The following FSTL4 variants were observed in gnomAD, a reference collection of about 807,000 sequenced individuals.
The protein encoded by FSTL4 is follistatin-related protein 4.
In FSTL4, 28 loss-of-function variants were observed where a neutral mutation model predicts 78.2. That is an observed-to-expected ratio of 0.36 (90% CI 0.27 to 0.49). FSTL4 has a LOEUF of 0.49. FSTL4 is among the 20% of genes least tolerant of loss of function. The pLI is 0.98. For synonymous variants in FSTL4, 422 were observed against 440.5 expected (o/e 0.96, Z 0.53); for missense variants, 922 against 1,084.9 (o/e 0.85, Z 2.11).
Position 133,611,886 on chromosome 5 carries a change from C to T in FSTL4, c.-11+439G>A, listed in dbSNP as rs964176867. ...CGGAGCCAAGGGCACCGGGCCCGGGCCGAGGGGCCGCGCTCGCCTGGCTCC... is the reference window on the plus strand; with the variant it reads ...CGGAGCCAAGGGCACCGGGCCCGGGTCGAGGGGCCGCGCTCGCCTGGCTCC... On this transcript the variant is annotated intron_variant, in intron 1 of 15. Coordinates refer to ENST00000265342, the MANE Select transcript of FSTL4 (RefSeq NM_015082.2). This position sits in a 1 kb window ranked among gnomAD's most constrained non-coding sequence, Gnocchi z 4.9. 1.3e-5 allele frequency among the ~76,000 whole-genome samples: 2 copies of T among 152,140 alleles called. No individual in the cohort carries two copies. Among genetic ancestry groups the T allele is most frequent in the African/African-American group, 4.8e-5 (2 of 41,446 alleles).
intron 3 of FSTL4, among the ~76,000 whole-genome samples, chr5:133,547,066 T>G (rs1490741023): frequency 6.6e-6 from 1 of 152,168 alleles, no homozygotes; most frequent in Non-Finnish European, 1.5e-5. Context: ...GGAATCACCA[T>G]AAAGACTTCA....
intron 3 of FSTL4, among the ~76,000 whole-genome samples, chr5:133,553,043 G>A (rs1427540949): frequency 6.6e-6 from 1 of 152,182 alleles, no homozygotes; most frequent in African/African-American, 2.4e-5. Flanking sequence ...TGCTCCAACT[G>A]CAGCGGCTAC....
intron 4 of FSTL4, among the ~76,000 whole-genome samples, chr5:133,374,663 A>G (rs1469418685): frequency 6.6e-6 from 1 of 152,150 alleles, no homozygotes; most frequent in Non-Finnish European, 1.5e-5. Context: ...ATTAGTTCAC[A>G]AGGATGGAGT....
chr5:133,598,999 G>T (rs1015542471), intron 2 of FSTL4, among the ~76,000 whole-genome samples: 2 of 152,116 alleles, frequency 1.3e-5, no homozygotes, highest in South Asian at 4.2e-4. Context: ...AAACACCAAC[G>T]GGCAGATCTC....
At chr5:133,445,629 A>G (rs1325309198) in intron 3 of FSTL4, among the ~76,000 whole-genome samples, 1 of 152,168 alleles carries the variant, frequency 6.6e-6, no homozygotes, top group African/African-American at 2.4e-5. Flanking sequence ...AGTCTCTAAG[A>G]TACCAAGCTG....
At chr5:133,778,341 T>TAA in the FSTL4 span, among the ~76,000 whole-genome samples, 673 of 148,840 alleles carry the variant, frequency 4.5e-3, 9 homozygotes, top group African/African-American at 0.016. Context: ...GTGTTTCCTC[T>TAA]AAAAAAAAAA....
the FSTL4 span, among the ~76,000 whole-genome samples, chr5:133,743,720 C>T: frequency 6.6e-6 from 1 of 152,234 alleles, no homozygotes; most frequent in South Asian, 2.1e-4. Context: ...GCAGGCAAAG[C>T]TATGGGTAAA....
At chr5:133,641,782 T>G in the FSTL4 span, among the ~76,000 whole-genome samples, 2 of 152,202 alleles carry the variant, frequency 1.3e-5, no homozygotes, top group African/African-American at 2.4e-5. Context: ...CTTGTACTTG[T>G]AGAAGACTAT....
the FSTL4 span, among the ~76,000 whole-genome samples, chr5:133,629,448 A>G: frequency 6.6e-6 from 1 of 152,232 alleles, no homozygotes; most frequent in Non-Finnish European, 1.5e-5. Context: ...TAAACCAGGA[A>G]GAAGTTGAAT....
chr5:133,627,374 C>T, the FSTL4 span, among the ~76,000 whole-genome samples: 2 of 152,146 alleles, frequency 1.3e-5, no homozygotes, highest in Admixed American at 1.3e-4. Context: ...AGGGGTTTCC[C>T]CTTATAAAAC....
intron 3 of FSTL4, among the ~76,000 whole-genome samples, chr5:133,422,058 G>A (rs569053352): frequency 3.3e-4 from 50 of 152,288 alleles, no homozygotes; most frequent in African/African-American, 1.2e-3. Flanking sequence ...GAGGATCAGA[G>A]TCCAGACCGA....
the FSTL4 span, among the ~76,000 whole-genome samples, chr5:133,649,099 A>G: frequency 0.22 from 33,226 of 152,088 alleles, 3,858 homozygotes; most frequent in Admixed American, 0.29. Flanking sequence ...CCAGAATGTC[A>G]TATGGTTGGA....
chr5:133,817,387 A>C, the FSTL4 span, among the ~76,000 whole-genome samples: 1 of 152,192 alleles, frequency 6.6e-6, no homozygotes, highest in East Asian at 1.9e-4. Context: ...TCCTTCAAAT[A>C]GAGGAGCTTT....
intron 4 of FSTL4, among the ~76,000 whole-genome samples, chr5:133,352,709 T>C (rs1754858276): frequency 1.3e-5 from 2 of 152,194 alleles, no homozygotes; most frequent in Admixed American, 6.5e-5. Context: ...GATATTTGGT[T>C]TTCTATTTCT....
the FSTL4 span, among the ~76,000 whole-genome samples, chr5:133,817,184 C>T: frequency 0.11 from 17,100 of 152,246 alleles, 1,404 homozygotes; most frequent in African/African-American, 0.23. Context: ...GACAGCCCTG[C>T]GAAGCTGAGT....
the FSTL4 span, among the ~76,000 whole-genome samples, chr5:133,656,410 T>C: frequency 6.6e-6 from 1 of 152,206 alleles, no homozygotes; most frequent in Non-Finnish European, 1.5e-5. Context: ...ACTTATGACC[T>C]GCCATTTGCA....
intron 4 of FSTL4, among the ~76,000 whole-genome samples, chr5:133,360,146 C>T (rs1049547663): frequency 9.2e-5 from 14 of 152,230 alleles, no homozygotes; most frequent in African/African-American, 2.9e-4. Flanking sequence ...CTCTCCTCTT[C>T]GTCCCCAATC....
intron 6 of FSTL4, among the ~76,000 whole-genome samples, chr5:133,285,427 G>T (rs1000140790): frequency 6.6e-6 from 1 of 152,166 alleles, no homozygotes; most frequent in East Asian, 1.9e-4. Context: ...TTCCCTGAAG[G>T]CTGCCTCTGG....
intron 1 of FSTL4, among the ~76,000 whole-genome samples, chr5:133,610,777 T>A (rs1471687421): frequency 6.6e-6 from 1 of 152,220 alleles, no homozygotes; most frequent in African/African-American, 2.4e-5. Flanking sequence ...TTAAAAAGCA[T>A]CGCTGGTTTC....
Sources: allele counts gnomAD v4.1 joint callset (sites outside exome capture counted in the v4.1 genomes callset), GRCh38; gene constraint gnomAD v4.1.1; non-coding constraint Gnocchi (gnomAD v3.1); transcripts MANE v1.5; gene names NCBI Gene and HGNC (gene_info 2026-07-23, HGNC 2026-07-21).